HORMAD2: variants seen among roughly 807,000 people sequenced by gnomAD.
The protein encoded by HORMAD2 is HORMA domain containing 2.
A neutral mutation model predicts 38.8 loss-of-function variants in HORMAD2; 45 were observed. That is an observed-to-expected ratio of 1.16 (90% CI 0.91 to 1.49). The LOEUF (loss-of-function observed/expected upper bound fraction) is 1.49. HORMAD2 is among the 40% of genes most tolerant of loss of function. The pLI is 0.00. For synonymous variants in HORMAD2, 126 were observed against 122.8 expected (o/e 1.03, Z -0.17); for missense variants, 338 against 367.0 (o/e 0.92, Z 0.65).
intron 1 of HORMAD2, among the ~76,000 whole-genome samples, chr22:30,093,135 CT>C (rs1483507482): frequency 6.6e-6 from 1 of 152,070 alleles, no homozygotes; most frequent in African/African-American, 2.4e-5. Flanking sequence ...TACGGGATGC[CT>C]TTCCATCTTT....
At chr22:30,079,511 T>C (rs539257774), upstream of HORMAD2, among the ~76,000 whole-genome samples, 1 of 152,334 alleles carries the variant, frequency 6.6e-6, no homozygotes, top group African/African-American at 2.4e-5. Flanking sequence ...TTCTTTTCTT[T>C]TTTTTTATTT....
upstream of HORMAD2, among the ~76,000 whole-genome samples, chr22:30,078,450 A>G (rs2068411309): frequency 6.6e-6 from 1 of 151,536 alleles, no homozygotes; most frequent in Admixed American, 6.6e-5. Context: ...TACTAAAAAT[A>G]CAAAAATCAG....
At chr22:30,082,089 G>A (rs1178637786) in intron 1 of HORMAD2, among the ~76,000 whole-genome samples, 2 of 152,150 alleles carry the variant, frequency 1.3e-5, no homozygotes, top group Non-Finnish European at 2.9e-5. Context: ...CAAAGGGGTT[G>A]GAAGATGTCT....
At chr22:30,134,710 A>T (rs986644238) in intron 10 of HORMAD2, among the ~76,000 whole-genome samples, 1 of 150,876 alleles carries the variant, frequency 6.6e-6, no homozygotes, top group African/African-American at 2.5e-5. Flanking sequence ...AGAAAAAAAA[A>T]GTTCTACTAT....
the HORMAD2 span, among the ~76,000 whole-genome samples, chr22:30,203,692 A>G: frequency 6.6e-6 from 1 of 152,260 alleles, no homozygotes; most frequent in African/African-American, 2.4e-5. Context: ...GTATGCACAC[A>G]ATCCACCTTC....
Position 30,122,160 on chromosome 22 carries a change from T to G in HORMAD2, c.765T>G (p.Thr255=), listed in dbSNP as rs374354454. ...ATCTGTTTCGGGAGAACAGCACTAC[T>G]GAGATCGCCCATCAGGGTCTAGACT... The part of the protein sequence containing the change: ...ENNLFRENST[T]EIAHQGLDCD... Residue 255 remains threonine, a synonymous_variant, in exon 10 of 11, where the codon ACT becomes ACG. Coordinates refer to ENST00000336726, the MANE Select transcript of HORMAD2 (RefSeq NM_152510.4). 2 of 1,613,456 alleles carry G rather than the reference T, an allele frequency of 1.2e-6. No individual in the cohort carries two copies. Among genetic ancestry groups the G allele is most frequent in the Admixed American group, 3.3e-5 (2 of 59,916 alleles).
the HORMAD2 span, among the ~76,000 whole-genome samples, chr22:30,204,897 C>T: frequency 6.6e-6 from 1 of 152,196 alleles, no homozygotes; most frequent in African/African-American, 2.4e-5. Context: ...CATCTCTTGG[C>T]ACGAGCTCTG....
chr22:30,159,830 A>G (rs1925333384), intron 10 of HORMAD2, among the ~76,000 whole-genome samples: 1 of 151,986 alleles, frequency 6.6e-6, no homozygotes, highest in South Asian at 2.1e-4. Flanking sequence ...TTTTGTGTAT[A>G]TGCAAGGTCC....
At chr22:30,124,987 A>T (rs1244531512) in intron 10 of HORMAD2, among the ~76,000 whole-genome samples, 1 of 152,060 alleles carries the variant, frequency 6.6e-6, no homozygotes, top group Admixed American at 6.5e-5. Flanking sequence ...TCATGATGTT[A>T]ATTTGAATTT....
At chr22:30,112,429 A>G (rs980511701) in intron 6 of HORMAD2, 67 bp from the exon 7 acceptor site, 13 of 747,996 alleles carry the variant, frequency 1.7e-5, no homozygotes, top group Admixed American at 1.1e-4. Context: ...TATATAAAAA[A>G]GGTATTTGAT....
At chr22:30,091,092 A>G (rs1471826774) in intron 1 of HORMAD2, among the ~76,000 whole-genome samples, 1 of 152,096 alleles carries the variant, frequency 6.6e-6, no homozygotes, top group African/African-American at 2.4e-5. Flanking sequence ...ATCTTTCTGT[A>G]CTTGACTTAC....
At chr22:30,160,578 A>G (rs111879034) in intron 10 of HORMAD2, among the ~76,000 whole-genome samples, 5 of 152,346 alleles carry the variant, frequency 3.3e-5, no homozygotes, top group African/African-American at 9.6e-5. Context: ...AAAAGAAACT[A>G]GTAACAGTGA....
chr22:30,089,946 G>C (rs2068652453), intron 1 of HORMAD2, among the ~76,000 whole-genome samples: 1 of 152,180 alleles, frequency 6.6e-6, no homozygotes, highest in Non-Finnish European at 1.5e-5. Context: ...TTTGCCTACT[G>C]TAGGTACCTC....
At chr22:30,136,588 CA>C (rs1001604786) in intron 10 of HORMAD2, 1 of 151,932 alleles carries the variant, frequency 6.6e-6, no homozygotes, top group Non-Finnish European at 1.5e-5. Flanking sequence ...TGACCTCTTT[CA>C]CTTAACATTG....
At chr22:30,141,677 C>T (rs1310514119) in intron 10 of HORMAD2, among the ~76,000 whole-genome samples, 1 of 151,406 alleles carries the variant, frequency 6.6e-6, no homozygotes, top group East Asian at 1.9e-4. Context: ...TTACTGCAAC[C>T]TCCGCCTCCT....
At chr22:30,199,944 T>C in the HORMAD2 span, among the ~76,000 whole-genome samples, 1 of 151,872 alleles carries the variant, frequency 6.6e-6, no homozygotes, top group East Asian at 1.9e-4. Flanking sequence ...ACCCTGTCTC[T>C]ACTAAAAATG....
the HORMAD2 span, among the ~76,000 whole-genome samples, chr22:30,202,781 G>A: frequency 2.0e-5 from 3 of 152,206 alleles, no homozygotes; most frequent in African/African-American, 7.2e-5. Context: ...AAAGCAAAGC[G>A]AGAAGCTCTA....
rs566842769 is a variant in HORMAD2 at position 30,121,718 on chromosome 22, T to C, written c.497T>C (p.Ile166Thr). The change falls in exon 9 of 11, where the codon ATA (isoleucine) becomes ACA (threonine). Residue 166 changes from isoleucine to threonine, a missense_variant. Coordinates refer to ENST00000336726, the MANE Select transcript of HORMAD2 (RefSeq NM_152510.4). ...ASVLLIRKLY[I>T]LMQDLEPLPN... ...GTTCTACTGATCCGTAAATTGTATA[T>C]ACTGATGCAGGACCTTGAGCCACTT... 3.1e-6 allele frequency: 5 copies of C among 1,611,970 alleles called. No homozygotes were observed. The highest frequency in any genetic ancestry group is 1.3e-5 in the African/African-American group (1 of 75,016).
At chr22:30,090,868 T>G (rs1356956654) in intron 1 of HORMAD2, among the ~76,000 whole-genome samples, 4 of 152,244 alleles carry the variant, frequency 2.6e-5, no homozygotes. Flanking sequence ...TGTGTTGAAC[T>G]ATTTTAAAAT....
Sources: gnomAD v4.1 joint callset for allele counts (sites outside exome capture counted in the v4.1 genomes callset) on GRCh38, gnomAD v4.1.1 for gene constraint, MANE v1.5 for transcripts, NCBI Gene and HGNC (gene_info 2026-07-23, HGNC 2026-07-21) for gene names.